SCGB2A2: variants seen among roughly 807,000 people sequenced by gnomAD.
The protein encoded by SCGB2A2 is mammaglobin-A.
SCGB2A2 carries 11 observed loss-of-function variants against 8.8 expected under a neutral mutation model. That is an observed-to-expected ratio of 1.25 (90% CI 0.79 to 2.07). The LOEUF is 2.07. Among genes scored for constraint, SCGB2A2 ranks in the 30% most tolerant of loss-of-function variants. The pLI is 0.00. For missense variants in SCGB2A2, 113 were observed against 109.9 expected (o/e 1.03, Z -0.13); for synonymous variants, 42 against 40.9 (o/e 1.03, Z -0.10).
Position 62,270,975 on chromosome 11 carries a change from A to G in SCGB2A2, c.150A>G (p.Ile50Met). The G allele has an allele frequency of 6.2e-7, 1 of 1,614,204 alleles. No individual in the cohort carries two copies. The highest frequency in any genetic ancestry group is 2.2e-5 in the East Asian group (1 of 44,888). Residue 50 changes from isoleucine (I) to methionine (M), a missense_variant, in exon 2 of 3, where the codon ATA (isoleucine) becomes ATG (methionine). Physicochemically the swap from Ile to Met is conservative, Grantham distance 10 (BLOSUM62 1). Transcript: ENST00000227918. Reference protein sequence around the residue: ...TEYKELLQEFIDDNATTNAID... With the variant: ...TEYKELLQEFMDDNATTNAID... ...ACAAAGAACTTCTTCAAGAGTTCAT[A>G]GACGACAATGCCACTACAAATGCCA...
Position 62,271,088 on chromosome 11 carries a change from A to G in SCGB2A2, c.243+20A>G, listed in dbSNP as rs770538286. On this transcript the variant is annotated intron_variant, in intron 2 of 2. Transcript: ENST00000227918. ...TTTATGGTAATTTCATTTTCTTCCT[A>G]TAAGCTTTTTAAATCCCCTGACCAG... 10 of 1,613,912 alleles carry G rather than the reference A, an allele frequency of 6.2e-6. No homozygotes were observed. In the South Asian group the frequency reaches 8.8e-5, roughly 14 times the overall value.
intron 2 of SCGB2A2, chr11:62,272,129 T>C (rs1215529660): frequency 6.2e-6 from 2 of 320,408 alleles, no homozygotes; most frequent in Non-Finnish European, 8.9e-6. Flanking sequence ...ACCCTGACGC[T>C]TTCTACAACA....
At chr11:62,270,849 A>G (rs1315653298) in intron 1 of SCGB2A2, 32 bp from the exon 2 acceptor site, 1 of 1,591,500 alleles carries the variant, frequency 6.3e-7, no homozygotes, top group African/African-American at 1.3e-5. Flanking sequence ...TGCCTTCTGT[A>G]CCAAGCTTGT....
Position 62,273,021 on chromosome 11 carries a change from G to T in SCGB2A2, c.*26G>T, listed in dbSNP as rs753113050. On this transcript the variant is annotated 3_prime_UTR_variant, in exon 3 of 3. Transcript: ENST00000227918. ...CTTTCTGCAAGACCTTTGGCTCACA[G>T]AACTGCAGGGTATGGTGAGAAACCA... is the stretch of plus-strand genomic sequence containing the variant. 5 of 1,587,776 alleles carry T rather than the reference G, an allele frequency of 3.1e-6. No homozygotes were observed. The highest frequency in any genetic ancestry group is 4.3e-6 in the Non-Finnish European group (5 of 1,162,262).
At chr11:62,271,736 T>C (rs1220085256) in intron 2 of SCGB2A2, 2 of 986,186 alleles carry the variant, frequency 2.0e-6, no homozygotes, top group Non-Finnish European at 2.4e-6. Flanking sequence ...AAGTGTTCTT[T>C]CTTAAAAAAT....
At chr11:62,271,299 GA>G in intron 2 of SCGB2A2, 1 of 1,446,274 alleles carries the variant, frequency 6.9e-7, no homozygotes, top group Non-Finnish European at 9.0e-7. Context: ...AATAGGGCAA[GA>G]GAGGAAAAGG....
Position 62,270,225 on chromosome 11 carries a change from G to A in SCGB2A2, c.9G>A (p.Leu3=). Residue 3 remains leucine (L), a synonymous_variant, in exon 1 of 3, where the codon TTG becomes TTA. Transcript: ENST00000227918. The part of the protein sequence containing the change: MK[L]LMVLMLAALS... ...ACAGCAGCAGCCTCACCATGAAGTTGCTGATGGTCCTCATGCTGGCGGCCC... is the reference window on the plus strand; with the variant it reads ...ACAGCAGCAGCCTCACCATGAAGTTACTGATGGTCCTCATGCTGGCGGCCC... 6.2e-7 allele frequency: 1 copy of A among 1,613,994 alleles called. No individual in the cohort carries two copies. The highest frequency in any genetic ancestry group is 8.5e-7 in the Non-Finnish European group (1 of 1,179,970).
At chr11:62,272,926 T>G in intron 2 of SCGB2A2, 31 bp from the exon 3 acceptor site, 2 of 1,547,712 alleles carry the variant, frequency 1.3e-6, no homozygotes, top group Non-Finnish European at 1.8e-6. Flanking sequence ...GTGCAGAAAA[T>G]CTAAGTGATG....
At chr11:62,271,643 T>C in intron 2 of SCGB2A2, 1 of 996,002 alleles carries the variant, frequency 1.0e-6, no homozygotes, top group Non-Finnish European at 1.2e-6. Context: ...ATGTTCACTC[T>C]CTACAGAAAA....
In SCGB2A2 at chr11:62,271,180, A is replaced by G. The variant is rs1280375581; in HGVS notation, c.243+112A>G. ...CACTAGTGAACAAGCCTTTTCTTAC[A>G]TTGGTTAATTTAGTTGAATGGTTAG... On this transcript the variant is annotated intron_variant, in intron 2 of 2. Coordinates refer to ENST00000227918, the MANE Select transcript of SCGB2A2 (RefSeq NM_002411.4). The G allele has an allele frequency of 3.8e-6, 6 of 1,595,146 alleles. No individual in the cohort carries two copies. The South Asian group carries it at 5.6e-5, about 15-fold the overall frequency.
At chr11:62,271,881 T>C (rs542294551) in intron 2 of SCGB2A2, 120 of 984,950 alleles carry the variant, frequency 1.2e-4, no homozygotes, top group Non-Finnish European at 1.3e-4. Flanking sequence ...GACTATCCAA[T>C]AGGCAACTGT....
chr11:62,271,182 T>G, intron 2 of SCGB2A2, 114 bp downstream of exon 2: 1 of 1,593,546 alleles, frequency 6.3e-7, no homozygotes, highest in Non-Finnish European at 8.5e-7. Context: ...TTTCTTACAT[T>G]GGTTAATTTA....
chr11:62,271,248 G>T (rs1313351025), intron 2 of SCGB2A2, 180 bp downstream of exon 2: 9 of 1,490,322 alleles, frequency 6.0e-6, no homozygotes, highest in Admixed American at 2.3e-5. Flanking sequence ...GTGTCCCTGT[G>T]TTGTCACTCT....
intron 2 of SCGB2A2, chr11:62,272,126 C>T (rs567991986): frequency 1.2e-4 from 39 of 338,036 alleles, no homozygotes; most frequent in African/African-American, 3.6e-4. Flanking sequence ...GAAACCCTGA[C>T]GCTTTCTACA....
intron 2 of SCGB2A2, chr11:62,271,573 A>G (rs545507626): frequency 9.4e-7 from 1 of 1,065,382 alleles, no homozygotes; most frequent in Non-Finnish European, 1.1e-6. Flanking sequence ...AGACAGAACC[A>G]CACAACCACA....
At chr11:62,272,887 T>C in intron 2 of SCGB2A2, 70 bp from the exon 3 acceptor site, 1 of 1,195,058 alleles carries the variant, frequency 8.4e-7, no homozygotes, top group Non-Finnish European at 1.2e-6. Context: ...GATAAGCTTC[T>C]GTTTTTCAAG....
At chr11:62,270,763 A>C in intron 1 of SCGB2A2, 118 bp from the exon 2 acceptor site, 3 of 748,624 alleles carry the variant, frequency 4.0e-6, no homozygotes, top group Non-Finnish European at 6.4e-6. Flanking sequence ...TAGATTCTGC[A>C]TCATTATCTT....
intron 2 of SCGB2A2, 113 bp downstream of exon 2, chr11:62,271,181 T>C (rs895047652): frequency 6.3e-7 from 1 of 1,593,516 alleles, no homozygotes; most frequent in Non-Finnish European, 8.5e-7. Context: ...TTTTCTTACA[T>C]TGGTTAATTT....
intron 2 of SCGB2A2, 75 bp downstream of exon 2, chr11:62,271,143 C>G (rs1945275453): frequency 6.2e-6 from 10 of 1,610,216 alleles, no homozygotes; most frequent in Non-Finnish European, 8.5e-6. Flanking sequence ...TTCTCACTGA[C>G]AATGCCAAAG....
Sources: gnomAD v4.1 joint callset for allele counts on GRCh38, gnomAD v4.1.1 for gene constraint, MANE v1.5 for transcripts, NCBI Gene and HGNC (gene_info 2026-07-23, HGNC 2026-07-21) for gene names.